ARHGAP20: variants seen among roughly 807,000 people sequenced by gnomAD.
ARHGAP20 encodes the protein Rho GTPase activating protein 20, also known as rho GTPase-activating protein 20.
ARHGAP20 carries 34 observed loss-of-function variants against 73.7 expected under a neutral mutation model. The ratio of observed to expected loss-of-function variants is 0.46; its 90% CI spans 0.35 to 0.61. The LOEUF is 0.61. ARHGAP20 is among the 20% of genes least tolerant of loss of function. ARHGAP20 has a pLI of 0.00. For synonymous variants in ARHGAP20, 523 were observed against 518.2 expected (o/e 1.01, Z -0.13); for missense variants, 1,314 against 1,420.9 (o/e 0.92, Z 1.21).
chr11:110,607,599 T>G (rs1407111062), intron 8 of ARHGAP20, among the ~76,000 whole-genome samples: 11 of 152,142 alleles, frequency 7.2e-5, no homozygotes, highest in Admixed American at 7.2e-4. Flanking sequence ...CTCTTACTCT[T>G]CCTTTTCAGC....
chr11:110,646,895 T>C (rs1249523294), intron 2 of ARHGAP20, among the ~76,000 whole-genome samples: 2 of 152,014 alleles, frequency 1.3e-5, no homozygotes, highest in East Asian at 1.9e-4. Context: ...ATAATTTATA[T>C]GGTGAATAGA....
chr11:110,614,836 G>A (rs1948448929), intron 5 of ARHGAP20, among the ~76,000 whole-genome samples, 191 bp from the exon 6 acceptor site: 1 of 152,132 alleles, frequency 6.6e-6, no homozygotes, highest in Admixed American at 6.6e-5. Context: ...AAAATTTCAG[G>A]ACATTAGGCA....
intron 9 of ARHGAP20, among the ~76,000 whole-genome samples, chr11:110,600,308 T>C (rs892575373): frequency 6.6e-6 from 1 of 152,214 alleles, no homozygotes; most frequent in Non-Finnish European, 1.5e-5. Flanking sequence ...ATCCCTGCAG[T>C]TCCTGGCATC....
chr11:110,613,069 T>C (rs1257787014), intron 6 of ARHGAP20, among the ~76,000 whole-genome samples: 1 of 152,346 alleles, frequency 6.6e-6, no homozygotes, highest in East Asian at 1.9e-4. Flanking sequence ...GAATCTATCC[T>C]CCCAATAACC....
intron 1 of ARHGAP20, among the ~76,000 whole-genome samples, chr11:110,709,712 G>A (rs1286355302): frequency 6.6e-6 from 1 of 152,160 alleles, no homozygotes; most frequent in Non-Finnish European, 1.5e-5. Flanking sequence ...TGTGGTTGGA[G>A]AATACACAAA....
intron 1 of ARHGAP20, among the ~76,000 whole-genome samples, chr11:110,706,954 A>G (rs1010254018): frequency 2.6e-5 from 4 of 152,138 alleles, no homozygotes; most frequent in Non-Finnish European, 5.9e-5. Flanking sequence ...AGTAAAACTA[A>G]AGCTTACTCA....
chr11:110,676,519 T>C (rs1177132251), intron 2 of ARHGAP20, among the ~76,000 whole-genome samples: 1 of 152,178 alleles, frequency 6.6e-6, no homozygotes, highest in African/African-American at 2.4e-5. Context: ...ACTCATTCAC[T>C]ATCATGATGG....
chr11:110,615,656 T>A, intron 4 of ARHGAP20, 62 bp from the exon 5 acceptor site: 1 of 1,446,546 alleles, frequency 6.9e-7, no homozygotes, highest in Non-Finnish European at 9.6e-7. Flanking sequence ...GCTAACAGAT[T>A]TAGGATTGTC....
intron 10 of ARHGAP20, among the ~76,000 whole-genome samples, chr11:110,591,244 C>G (rs968229858): frequency 2.5e-4 from 38 of 152,158 alleles, no homozygotes; most frequent in African/African-American, 8.7e-4. Context: ...GATCCAAAAC[C>G]TAGTTATGCC....
chr11:110,579,135 C>G lies in ARHGAP20; in HGVS notation c.*235G>C. 14 of 1,176,590 alleles carry G rather than the reference C, an allele frequency of 1.2e-5. No individual in the cohort carries two copies. Among genetic ancestry groups the G allele is most frequent in the Non-Finnish European group, 1.4e-5 (13 of 946,694 alleles). The allele number at this position is 1,176,590 out of a possible 1,614,324, so 72.9% of individuals were successfully genotyped here. A position where few individuals can be genotyped will look rare whatever the true frequency, so the allele number is the denominator to read the frequency against. On this transcript the variant is annotated 3_prime_UTR_variant, in exon 15 of 15. Coordinates refer to ENST00000683387, the MANE Select transcript of ARHGAP20 (RefSeq NM_001384657.1). ...TATCTCTAAAACCACATGACAGGAC[C>G]AATCCCAACCTTTAATAAGAAAAAG...
At chr11:110,691,364 T>C (rs1950238974) in intron 1 of ARHGAP20, among the ~76,000 whole-genome samples, 2 of 152,076 alleles carry the variant, frequency 1.3e-5, no homozygotes, top group East Asian at 1.9e-4. Context: ...AAATTAACCA[T>C]ATATAGTCAC....
chr11:110,699,411 T>C (rs1481240001), intron 1 of ARHGAP20, among the ~76,000 whole-genome samples: 2 of 151,984 alleles, frequency 1.3e-5, no homozygotes, highest in Non-Finnish European at 2.9e-5. Context: ...AAATGTTTGT[T>C]AGGTCCATTT....
chr11:110,641,880 G>A (rs748509879), intron 2 of ARHGAP20, among the ~76,000 whole-genome samples: 2 of 151,892 alleles, frequency 1.3e-5, no homozygotes, highest in South Asian at 2.1e-4. Context: ...AGTAAAATTC[G>A]TTTGGCTACT....
chr11:110,621,023 G>C (rs1040495824), intron 4 of ARHGAP20, among the ~76,000 whole-genome samples: 1 of 124,650 alleles, frequency 8.0e-6, no homozygotes, highest in Non-Finnish European at 1.6e-5. Flanking sequence ...GCAGTGAGCC[G>C]AGATCATGCT....
At chr11:110,650,177 C>T (rs936925981) in intron 2 of ARHGAP20, among the ~76,000 whole-genome samples, 2 of 151,980 alleles carry the variant, frequency 1.3e-5, no homozygotes, top group Admixed American at 1.3e-4. Context: ...CCATGTTTCC[C>T]CAGCTGGATG....
chr11:110,675,282 G>A (rs191489364), intron 2 of ARHGAP20, among the ~76,000 whole-genome samples: 1 of 152,294 alleles, frequency 6.6e-6, no homozygotes, highest in East Asian at 1.9e-4. Flanking sequence ...GACTGACAGA[G>A]ACCACTTCTA....
At chr11:110,628,965 C>A (rs4938099) in intron 3 of ARHGAP20, among the ~76,000 whole-genome samples, 48,628 of 151,888 alleles carry the variant, frequency 0.32, 8,315 homozygotes, top group African/African-American at 0.43. Flanking sequence ...CAGTATACAG[C>A]ACAGTAAATA....
chr11:110,672,710 A>C (rs954893001), intron 2 of ARHGAP20, among the ~76,000 whole-genome samples: 2 of 152,206 alleles, frequency 1.3e-5, no homozygotes, highest in Non-Finnish European at 2.9e-5. Flanking sequence ...CTTGGCTAAA[A>C]TGTCTTAAGC....
In ARHGAP20 at chr11:110,592,140, G is replaced by A. The variant is rs751846131; in HGVS notation, c.980C>T (p.Thr327Ile). ...AQQLSDSGHKTFKRRRSIINW... is the reference protein window; with the variant it reads ...AQQLSDSGHKIFKRRRSIINW... Reference sequence around the variant, plus strand: ...TATGATAGATCTTCTCCTTTTAAATGTCTTATGACCTGAATCTAAGGAAGA... The same window carrying A: ...TATGATAGATCTTCTCCTTTTAAATATCTTATGACCTGAATCTAAGGAAGA... The change falls in exon 10 of 15, where the codon ACA (threonine) becomes ATA (isoleucine). Residue 327 changes from threonine (T) to isoleucine (I), a missense_variant. Thr to Ile is a moderately conservative substitution (Grantham distance 89). Around this residue, in one of 3 missense-constraint regions of ARHGAP20, gnomAD observed 443 missense variants for 466.4 expected, o/e 0.95. Transcript: ENST00000683387. 3 of 1,613,828 alleles carry A rather than the reference G, an allele frequency of 1.9e-6. No individual in the cohort carries two copies. Among genetic ancestry groups the A allele is most frequent in the Non-Finnish European group, 8.5e-7 (1 of 1,179,808 alleles).
Sources: allele counts gnomAD v4.1 joint callset (sites outside exome capture counted in the v4.1 genomes callset), GRCh38; gene constraint gnomAD v4.1.1; regional missense constraint gnomAD v4.1.1; transcripts MANE v1.5; gene names NCBI Gene and HGNC (gene_info 2026-07-23, HGNC 2026-07-21).